The following NCOA2 variants were observed in gnomAD, a reference collection of about 807,000 sequenced individuals.
The protein encoded by NCOA2 is nuclear receptor coactivator 2, also known as class E basic helix-loop-helix protein 75.
NCOA2 carries 21 observed loss-of-function variants against 145.1 expected under a neutral mutation model. The observed-to-expected ratio is 0.14, with a 90% CI of 0.10 to 0.21. NCOA2 has a LOEUF of 0.21. Ranked by LOEUF, NCOA2 falls within the 10% of genes least tolerant of loss-of-function variation. The probability of loss-of-function intolerance (pLI) is 1.00; values close to 1 mark genes in which losing one functional copy is unlikely to be tolerated. For missense variants in NCOA2, 1,472 were observed against 1,837.6 expected (o/e 0.80, Z 3.64); for synonymous variants, 619 against 637.5 (o/e 0.97, Z 0.44).
intron 1 of NCOA2, among the ~76,000 whole-genome samples, chr8:70,371,749 C>T (rs1811239783): frequency 6.6e-6 from 1 of 152,142 alleles, no homozygotes; most frequent in South Asian, 2.1e-4. Flanking sequence ...GACATAAGAA[C>T]ACTACTGCAG....
At chr8:70,390,779 T>TAATA (rs773623101) in intron 1 of NCOA2, among the ~76,000 whole-genome samples, 27 of 151,808 alleles carry the variant, frequency 1.8e-4, no homozygotes, top group Non-Finnish European at 3.5e-4. Context: ...AAAACAACAA[T>TAATA]AATAAATAAA....
intron 4 of NCOA2, among the ~76,000 whole-genome samples, chr8:70,205,580 G>A (rs1333463619): frequency 6.6e-6 from 1 of 151,952 alleles, no homozygotes; most frequent in African/African-American, 2.4e-5. Flanking sequence ...TACTAAAGGT[G>A]AGCAGATGTC....
chr8:70,408,926 C>T, the NCOA2 span, among the ~76,000 whole-genome samples: 1 of 151,854 alleles, frequency 6.6e-6, no homozygotes, highest in Admixed American at 6.6e-5. Flanking sequence ...CATGCCAGAC[C>T]AAAACATTAA....
the NCOA2 span, among the ~76,000 whole-genome samples, chr8:70,414,731 T>C: frequency 6.6e-6 from 1 of 152,144 alleles, no homozygotes; most frequent in Non-Finnish European, 1.5e-5. Context: ...TTACCACCAA[T>C]AAATGAAAAA....
At chr8:70,310,122 G>A (rs1192510044) in intron 1 of NCOA2, among the ~76,000 whole-genome samples, 4 of 151,956 alleles carry the variant, frequency 2.6e-5, no homozygotes, top group Admixed American at 1.3e-4. Context: ...CTTGAGGCCG[G>A]GAGTTCGAGA....
At chr8:70,138,928 A>G (rs1236878847) in intron 14 of NCOA2, among the ~76,000 whole-genome samples, 1 of 152,264 alleles carries the variant, frequency 6.6e-6, no homozygotes, top group Non-Finnish European at 1.5e-5. Context: ...ATAAGAGTGA[A>G]GAAGCCAACA....
At chr8:70,215,404 G>T (rs1256621363) in intron 3 of NCOA2, among the ~76,000 whole-genome samples, 1 of 152,190 alleles carries the variant, frequency 6.6e-6, no homozygotes. Flanking sequence ...CCCCAGGTAG[G>T]GCTCCTGACT....
At chr8:70,149,194 G>A (rs1486692550) in intron 11 of NCOA2, among the ~76,000 whole-genome samples, 1 of 151,578 alleles carries the variant, frequency 6.6e-6, no homozygotes, top group Non-Finnish European at 1.5e-5. Flanking sequence ...CCCAAACATA[G>A]CACTATTAAC....
At chr8:70,142,936 CTG>C (rs1801309484) in intron 13 of NCOA2, among the ~76,000 whole-genome samples, 3 of 150,710 alleles carry the variant, frequency 2.0e-5, no homozygotes. Flanking sequence ...CCCTCTCAGT[CTG>C]TGTTTTGTTT....
At chr8:70,165,515 T>A (rs1212735234) in intron 7 of NCOA2, among the ~76,000 whole-genome samples, 1 of 152,192 alleles carries the variant, frequency 6.6e-6, no homozygotes, top group Non-Finnish European at 1.5e-5. Flanking sequence ...GGTCCTCAGC[T>A]CTTTCCCTTC....
chr8:70,354,980 T>A (rs1809556681), intron 1 of NCOA2, among the ~76,000 whole-genome samples: 1 of 152,270 alleles, frequency 6.6e-6, no homozygotes, highest in Non-Finnish European at 1.5e-5. Flanking sequence ...TTGGCACAGA[T>A]GTTGGTCCTC....
At chr8:70,451,920 A>G in the NCOA2 span, among the ~76,000 whole-genome samples, 1 of 152,222 alleles carries the variant, frequency 6.6e-6, no homozygotes. Flanking sequence ...CAACTCAACA[A>G]TAAAAAGATG....
chr8:70,129,099 T>C (rs576018876), intron 16 of NCOA2, 119 bp from the exon 17 acceptor site: 48 of 969,972 alleles, frequency 4.9e-5, no homozygotes, highest in Non-Finnish European at 6.6e-5. Flanking sequence ...TTTAATATTA[T>C]ACTTACTACA....
intron 22 of NCOA2, among the ~76,000 whole-genome samples, chr8:70,115,064 C>T (rs577423669): frequency 1.3e-5 from 2 of 152,298 alleles, no homozygotes; most frequent in South Asian, 4.1e-4. Flanking sequence ...CATATAAAAA[C>T]ACTCCATGGT....
At chr8:70,265,673 T>A (rs1378583038) in intron 2 of NCOA2, among the ~76,000 whole-genome samples, 1 of 152,220 alleles carries the variant, frequency 6.6e-6, no homozygotes, top group Non-Finnish European at 1.5e-5. Context: ...TCAGAGACAC[T>A]CAGTCCATTT....
the NCOA2 span, among the ~76,000 whole-genome samples, chr8:70,419,877 G>T: frequency 0.02 from 3,075 of 152,186 alleles, 99 homozygotes; most frequent in African/African-American, 0.069. Context: ...CATGAATGAC[G>T]ACAGTTTTTA....
intron 19 of NCOA2, chr8:70,126,490 C>A: frequency 3.2e-6 from 1 of 314,860 alleles, no homozygotes; most frequent in East Asian, 4.7e-5. Context: ...AACTTGTAGA[C>A]ATTGACATAA....
chr8:70,134,217 A>G (rs1342404480), intron 15 of NCOA2, among the ~76,000 whole-genome samples: 1 of 152,226 alleles, frequency 6.6e-6, no homozygotes, highest in Non-Finnish European at 1.5e-5. Context: ...GAGCGGGAGG[A>G]AGAAGCAGAT....
intron 9 of NCOA2, among the ~76,000 whole-genome samples, chr8:70,160,814 GC>G (rs1812901627): frequency 6.6e-6 from 1 of 152,176 alleles, no homozygotes; most frequent in South Asian, 2.1e-4. Flanking sequence ...TTCACTTTCT[GC>G]CATCAACTGT....
Sources: allele counts gnomAD v4.1 joint callset (sites outside exome capture counted in the v4.1 genomes callset), GRCh38; gene constraint gnomAD v4.1.1; transcripts MANE v1.5; gene names NCBI Gene and HGNC (gene_info 2026-07-23, HGNC 2026-07-21).